SVBP: variants seen among roughly 807,000 people sequenced by gnomAD.
The protein encoded by SVBP is small vasohibin-binding protein.
SVBP carries 9 observed loss-of-function variants against 9.2 expected under a neutral mutation model. The ratio of observed to expected loss-of-function variants is 0.98; its 90% CI spans 0.59 to 1.71. The LOEUF (loss-of-function observed/expected upper bound fraction) is 1.71. SVBP is among the 40% of genes most tolerant of loss of function. The pLI, the probability that SVBP is intolerant of heterozygous loss-of-function variation, is 0.00. For synonymous variants in SVBP, 27 were observed against 23.9 expected, an observed-to-expected ratio of 1.13 and a Z score of -0.37; for missense variants, 63 against 73.2, an observed-to-expected ratio of 0.86 and a Z score of 0.51.
intron 2 of SVBP, among the ~76,000 whole-genome samples, chr1:42,809,584 A>T (rs1286860227): frequency 6.6e-6 from 1 of 152,202 alleles, no homozygotes; most frequent in Non-Finnish European, 1.5e-5. Context: ...CACATTTGAC[A>T]ACCTAAATGA....
intron 2 of SVBP, among the ~76,000 whole-genome samples, chr1:42,808,694 A>G (rs941544804): frequency 4.6e-5 from 7 of 151,158 alleles, no homozygotes; most frequent in Non-Finnish European, 8.8e-5. Context: ...TCGCATATAT[A>G]TATGAGCTAT....
chr1:42,815,073 A>G (rs1007171695), intron 2 of SVBP, among the ~76,000 whole-genome samples: 7 of 152,088 alleles, frequency 4.6e-5, no homozygotes, highest in Admixed American at 1.3e-4. Flanking sequence ...TTGTAGGGAC[A>G]TGGATGAAGC....
rs775964209 is a variant in SVBP, at chr1:42,817,290, C to G, written c.-137G>C. 57 of 1,213,392 alleles carry G rather than the reference C, an allele frequency of 4.7e-5. No homozygotes were observed. Among genetic ancestry groups the G allele is most frequent in the Non-Finnish European group, 6.0e-5 (57 of 944,582 alleles). The allele number at this position is 1,213,392 out of a possible 1,614,324, so 75.2% of individuals were successfully genotyped here. ...CTTCCCCCGACCACTGGACCCAGCGCTGCCTGCCCACCGCCCCTCGTCCTG... is the reference window on the plus strand; with the variant it reads ...CTTCCCCCGACCACTGGACCCAGCGGTGCCTGCCCACCGCCCCTCGTCCTG... On this transcript the variant is annotated 5_prime_UTR_variant, in exon 1 of 3. Coordinates refer to ENST00000372521, the MANE Select transcript of SVBP (RefSeq NM_199342.4).
Position 42,817,299 on chromosome 1 carries a change from C to A in SVBP, c.-146G>T, listed in dbSNP as rs938176621. 38 of 1,198,196 alleles carry A rather than the reference C, an allele frequency of 3.2e-5. No homozygotes were observed. In the African/African-American group the frequency reaches 4.4e-4, roughly 14 times the overall value. 74.2% of individuals were successfully genotyped at this position (1,198,196 alleles called of 1,614,324 possible). ...ACCACTGGACCCAGCGCTGCCTGCC[C>A]ACCGCCCCTCGTCCTGGGCGGGGCC... On this transcript the variant is annotated 5_prime_UTR_variant, in exon 1 of 3. Coordinates refer to ENST00000372521, the MANE Select transcript of SVBP (RefSeq NM_199342.4).
chr1:42,808,658 A>G (rs1570514078), intron 2 of SVBP, among the ~76,000 whole-genome samples: 1 of 149,864 alleles, frequency 6.7e-6, no homozygotes, highest in African/African-American at 2.4e-5. Context: ...TAGCTCATAT[A>G]TATAAGCTAT....
In SVBP at chr1:42,816,635, C is replaced by A. The variant is rs866925955; in HGVS notation, c.-36-55G>T. Reference sequence around the variant, plus strand: ...AAAACAAAACAAAACAAAAAATACCCTGCCAGTTACTCCTCTAATCCTTTA... The same window carrying A: ...AAAACAAAACAAAACAAAAAATACCATGCCAGTTACTCCTCTAATCCTTTA... On this transcript the variant is annotated intron_variant, in intron 1 of 2. Transcript: ENST00000372521. 2.0e-5 allele frequency: 17 copies of A among 859,838 alleles called. 1 individual carries two copies. The Middle Eastern group carries it at 1.1e-3, about 57-fold the overall frequency. 53.3% of individuals were successfully genotyped at this position (859,838 alleles called of 1,614,324 possible). A position where few individuals can be genotyped will look rare whatever the true frequency, so the allele number is the denominator to read the frequency against.
intron 1 of SVBP, 133 bp from the exon 2 acceptor site, chr1:42,816,713 C>T: frequency 1.8e-6 from 1 of 568,726 alleles, no homozygotes. Context: ...GGCAAGGGCG[C>T]TGGATGTGGG....
intron 2 of SVBP, chr1:42,813,483 G>T: frequency 1.8e-6 from 1 of 555,540 alleles, no homozygotes; most frequent in South Asian, 1.4e-5. Context: ...TACTGTTAGT[G>T]ACATCTAATC....
At chr1:42,808,143 G>GTA (rs1344012080) in intron 2 of SVBP, among the ~76,000 whole-genome samples, 146 of 44,602 alleles carry the variant, frequency 3.3e-3, no homozygotes, top group African/African-American at 4.6e-3. Flanking sequence ...TAGTGTGTGT[G>GTA]TGTGTGTATA....
intron 2 of SVBP, among the ~76,000 whole-genome samples, chr1:42,808,134 AGT>A (rs149608245): frequency 0.03 from 3,254 of 107,740 alleles, 76 homozygotes; most frequent in South Asian, 0.039. Context: ...ATGTGAATAT[AGT>A]GTGTGTGTGT....
intron 2 of SVBP, among the ~76,000 whole-genome samples, chr1:42,808,178 T>TATATATATAC (rs1366167570): frequency 1.4e-5 from 1 of 72,464 alleles, no homozygotes; most frequent in African/African-American, 5.0e-5. Context: ...TATATATATA[T>TATATATATAC]ACATACTATG....
intron 2 of SVBP, among the ~76,000 whole-genome samples, chr1:42,808,147 GTGTATATATATATA>G (rs1654002713): frequency 1.9e-5 from 1 of 53,910 alleles, no homozygotes; most frequent in African/African-American, 8.1e-5. Context: ...GTGTGTGTGT[GTGTATATATATATA>G]TATATATATA....
chr1:42,816,999 C>T (rs1022859671), intron 1 of SVBP, 191 bp downstream of exon 1: 4 of 264,242 alleles, frequency 1.5e-5, no homozygotes, highest in Non-Finnish European at 2.3e-5. Flanking sequence ...AACTCCGCCG[C>T]AGCAGCCGCT....
intron 2 of SVBP, among the ~76,000 whole-genome samples, chr1:42,815,496 T>G (rs1320413348): frequency 6.6e-6 from 1 of 151,658 alleles, no homozygotes; most frequent in East Asian, 1.9e-4. Context: ...CTAAGGCAGG[T>G]GCCAAAGGAG....
At chr1:42,808,612 T>TAA (rs1230921086) in intron 2 of SVBP, among the ~76,000 whole-genome samples, 1 of 148,188 alleles carries the variant, frequency 6.7e-6, no homozygotes, top group Non-Finnish European at 1.5e-5. Flanking sequence ...CCTATATATA[T>TAA]AACCTATAAT....
chr1:42,810,915 G>A (rs1445952918), intron 2 of SVBP, among the ~76,000 whole-genome samples: 1 of 152,120 alleles, frequency 6.6e-6, no homozygotes, highest in Non-Finnish European at 1.5e-5. Context: ...CGAGGTGTGC[G>A]GATCACTTGA....
chr1:42,817,098 A>T, intron 1 of SVBP, 92 bp downstream of exon 1: 1 of 380,582 alleles, frequency 2.6e-6, no homozygotes, highest in Non-Finnish European at 3.3e-6. Context: ...GCCCGGCCCC[A>T]GGGGACGGCC....
At chr1:42,808,149 G>GTATATATATATATATA (rs781743959) in intron 2 of SVBP, among the ~76,000 whole-genome samples, 7 of 58,278 alleles carry the variant, frequency 1.2e-4, no homozygotes, top group Non-Finnish European at 1.6e-4. Flanking sequence ...GTGTGTGTGT[G>GTATATATATATATATA]TATATATATA....
Position 42,807,473 on chromosome 1 carries a change from C to G in SVBP, c.142G>C (p.Glu48Gln). The G allele has an allele frequency of 6.2e-7, 1 of 1,613,926 alleles. No individual in the cohort carries two copies. Among genetic ancestry groups the G allele is most frequent in the East Asian group, 2.2e-5 (1 of 44,876 alleles). Residue 48 changes from glutamate (E) to glutamine (Q), a missense_variant, in exon 3 of 3, where the codon GAA becomes CAA. Transcript: ENST00000372521. Reference sequence around the variant, plus strand: ...TCATCAAACTGCTGCTGCTCCAGTTCTGTCATGACTCTGTTGAGGGCATAG... The same window carrying G: ...TCATCAAACTGCTGCTGCTCCAGTTGTGTCATGACTCTGTTGAGGGCATAG... ...EIYALNRVMT[E>Q]LEQQQFDEFC...
Sources: allele counts gnomAD v4.1 joint callset (sites outside exome capture counted in the v4.1 genomes callset), GRCh38; gene constraint gnomAD v4.1.1; transcripts MANE v1.5; gene names NCBI Gene and HGNC (gene_info 2026-07-23, HGNC 2026-07-21).